The following WDR27 variants were observed in gnomAD, a reference collection of about 807,000 sequenced individuals.
The protein encoded by WDR27 is WD repeat-containing protein 27.
WDR27 carries 100 observed loss-of-function variants against 114.4 expected under a neutral mutation model. That is an observed-to-expected ratio of 0.87 (90% confidence interval 0.74 to 1.03). The LOEUF is 1.03. WDR27 is among the 50% of genes least tolerant of loss of function. The pLI, the probability that WDR27 is intolerant of heterozygous loss-of-function variation, is 0.00. For missense variants in WDR27, 1,129 were observed against 1,092.9 expected (o/e 1.03, Z -0.47); for synonymous variants, 449 against 423.1 (o/e 1.06, Z -0.75).
At chr6:169,488,132 C>A (rs907821563) in intron 25 of WDR27, among the ~76,000 whole-genome samples, 2 of 152,206 alleles carry the variant, frequency 1.3e-5, no homozygotes, top group Non-Finnish European at 2.9e-5. Flanking sequence ...CAGAAACCAA[C>A]ATGTAGTTGC....
At chr6:169,673,697 A>T (rs1779353228) in intron 2 of WDR27, among the ~76,000 whole-genome samples, 1 of 152,144 alleles carries the variant, frequency 6.6e-6, no homozygotes, top group Non-Finnish European at 1.5e-5. Context: ...GTGTAATTAA[A>T]TGAGTCATCC....
chr6:169,439,138 G>A, the WDR27 span, among the ~76,000 whole-genome samples: 1 of 152,052 alleles, frequency 6.6e-6, no homozygotes, highest in African/African-American at 2.4e-5. Context: ...ATGCTTATTC[G>A]ATGGGTTGTA....
At chr6:169,689,935 A>G (rs927059501) in intron 1 of WDR27, among the ~76,000 whole-genome samples, 4 of 152,086 alleles carry the variant, frequency 2.6e-5, no homozygotes, top group African/African-American at 9.7e-5. Flanking sequence ...ATGTGGATTC[A>G]GAGGATCCAC....
intron 1 of WDR27, among the ~76,000 whole-genome samples, chr6:169,692,652 C>A (rs2128306598): frequency 6.6e-6 from 1 of 152,286 alleles, no homozygotes; most frequent in East Asian, 1.9e-4. Context: ...AGGCCTTTCA[C>A]TACCGGCTTT....
intron 25 of WDR27, 48 bp from the exon 26 acceptor site, chr6:169,457,682 A>G (rs1562439373): frequency 7.0e-7 from 1 of 1,425,534 alleles, no homozygotes; most frequent in Non-Finnish European, 9.6e-7. Flanking sequence ...CCTTTTATTA[A>G]TTGATAACTC....
At chr6:169,564,533 C>T (rs189120010) in intron 25 of WDR27, among the ~76,000 whole-genome samples, 9 of 152,352 alleles carry the variant, frequency 5.9e-5, no homozygotes, top group South Asian at 2.1e-4. Context: ...TTCCTGGATC[C>T]GTGTCCCTCC....
At chr6:169,483,912 T>A (rs903696676) in intron 25 of WDR27, among the ~76,000 whole-genome samples, 1 of 151,834 alleles carries the variant, frequency 6.6e-6, no homozygotes, top group Non-Finnish European at 1.5e-5. Flanking sequence ...TTAAGAGAAC[T>A]AAAGACAAAA....
chr6:169,596,698 A>G (rs1806862310), intron 23 of WDR27, among the ~76,000 whole-genome samples: 1 of 152,104 alleles, frequency 6.6e-6, no homozygotes, highest in Non-Finnish European at 1.5e-5. Flanking sequence ...GAGAGAGAAG[A>G]TAGGTAATTT....
At chr6:169,528,914 A>G (rs895452130) in intron 25 of WDR27, among the ~76,000 whole-genome samples, 3 of 152,198 alleles carry the variant, frequency 2.0e-5, no homozygotes, top group African/African-American at 7.2e-5. Context: ...TTTTTGGAGA[A>G]AATTTGGCAA....
intron 25 of WDR27, among the ~76,000 whole-genome samples, chr6:169,505,304 T>C (rs2115503439): frequency 6.6e-6 from 1 of 152,304 alleles, no homozygotes; most frequent in Non-Finnish European, 1.5e-5. Context: ...TTATGAGTGA[T>C]TTTTCTAATG....
At position 169,492,812 on chromosome 6, in the gene WDR27, C is replaced by T. The variant is rs371050347; in HGVS notation, c.2646-35178G>A. 1.3e-4 allele frequency among the ~76,000 whole-genome samples: 20 copies of T among 152,162 alleles called. No individual in the cohort carries two copies. In the South Asian group the frequency reaches 2.5e-3, roughly 19 times the overall value. ...ACAGCAATAACAAACCTCTAGACAA[C>T]AATAACAGTAATATCTACTACATAA... On this transcript the variant is annotated intron_variant, in intron 25 of 25. Transcript: ENST00000448612.
At position 169,701,913 on chromosome 6, in the gene WDR27, G is replaced by A. The variant is rs903829009; in HGVS notation, c.-370C>T. On this transcript the variant is annotated 5_prime_UTR_variant, in exon 1 of 26. Transcript: ENST00000448612. ...TCCGCGCCGAGACCAGCCCGCTAGG[G>A]GAGGACTCACAGCACCCAGCTCCCA... The A allele has an allele frequency of 5.6e-4, 192 of 345,746 alleles. No homozygotes were observed. Among genetic ancestry groups the A allele is most frequent in the Middle Eastern group, 2.1e-3 (2 of 958 alleles). The allele number at this position is 345,746 out of a possible 1,614,324, so 21.4% of individuals were successfully genotyped here. A position where few individuals can be genotyped will look rare whatever the true frequency, so the allele number is the denominator to read the frequency against.
intron 21 of WDR27, among the ~76,000 whole-genome samples, chr6:169,626,768 T>A (rs1181821983): frequency 6.6e-6 from 1 of 152,218 alleles, no homozygotes; most frequent in East Asian, 1.9e-4. Flanking sequence ...TTCACAGCAG[T>A]GGTTTTTAGA....
At chr6:169,692,656 C>T (rs1008426725) in intron 1 of WDR27, among the ~76,000 whole-genome samples, 6 of 152,108 alleles carry the variant, frequency 3.9e-5, no homozygotes, top group Non-Finnish European at 2.9e-5. Flanking sequence ...CTTTCACTAC[C>T]GGCTTTCCCC....
At chr6:169,666,951 C>A (rs968171574) in intron 6 of WDR27, 185 bp downstream of exon 6, 2 of 985,290 alleles carry the variant, frequency 2.0e-6, no homozygotes, top group African/African-American at 3.5e-5. Flanking sequence ...TGAAAAACAT[C>A]AAGGACATTC....
chr6:169,566,447 G>A (rs912188593), intron 25 of WDR27, among the ~76,000 whole-genome samples: 47 of 152,320 alleles, frequency 3.1e-4, no homozygotes, highest in African/African-American at 1.0e-3. Context: ...CGGGGGCCTC[G>A]AAGAGACTCT....
chr6:169,475,118 T>C (rs1057471779), intron 25 of WDR27, among the ~76,000 whole-genome samples: 1 of 152,260 alleles, frequency 6.6e-6, no homozygotes, highest in African/African-American at 2.4e-5. Flanking sequence ...TGTAACTACA[T>C]TACATTTTTT....
intron 22 of WDR27, among the ~76,000 whole-genome samples, chr6:169,612,696 GC>G (rs1265081602): frequency 1.7e-4 from 26 of 150,332 alleles, no homozygotes; most frequent in Non-Finnish European, 3.1e-4. Context: ...CCTGCCTGAG[GC>G]TGCTTTATAG....
the WDR27 span, among the ~76,000 whole-genome samples, chr6:169,451,294 G>C: frequency 6.6e-6 from 1 of 152,172 alleles, no homozygotes; most frequent in Non-Finnish European, 1.5e-5. Flanking sequence ...TGCGCGCTTT[G>C]ACTTGTCCTG....
Sources: gnomAD v4.1 joint callset for allele counts (sites outside exome capture counted in the v4.1 genomes callset) on GRCh38, gnomAD v4.1.1 for gene constraint, MANE v1.5 for transcripts, NCBI Gene and HGNC (gene_info 2026-07-23, HGNC 2026-07-21) for gene names.